DPYD: variants seen among roughly 807,000 people sequenced by gnomAD.
DPYD encodes the protein dihydropyrimidine dehydrogenase, also known as dihydropyrimidine dehydrogenase [NADP(+)].
In DPYD, 109 loss-of-function variants were observed where a neutral mutation model predicts 116.2. The ratio of observed to expected loss-of-function variants is 0.94; its 90% CI spans 0.80 to 1.10. The LOEUF (loss-of-function observed/expected upper bound fraction) is 1.10. DPYD is among the 50% of genes least tolerant of loss of function. DPYD has a pLI of 0.00. For synonymous variants in DPYD, 440 were observed against 432.0 expected, an observed-to-expected ratio of 1.02 and a Z score of -0.23; for missense variants, 1,302 against 1,254.5, an observed-to-expected ratio of 1.04 and a Z score of -0.57.
chr1:97,565,517 C>A (rs763718028), intron 11 of DPYD, among the ~76,000 whole-genome samples: 39 of 152,174 alleles, frequency 2.6e-4, no homozygotes, highest in Non-Finnish European at 4.0e-4. Flanking sequence ...TAACCACACA[C>A]CATCTGGTCC....
intron 8 of DPYD, among the ~76,000 whole-genome samples, chr1:97,596,486 C>CA (rs1654892878): frequency 6.6e-6 from 1 of 152,142 alleles, no homozygotes; most frequent in African/African-American, 2.4e-5. Flanking sequence ...GCAGTCACCC[C>CA]ATCCAAGGCA....
intron 2 of DPYD, among the ~76,000 whole-genome samples, chr1:97,849,741 G>T (rs1375227686): frequency 6.6e-6 from 1 of 152,096 alleles, no homozygotes; most frequent in Non-Finnish European, 1.5e-5. Context: ...TGCCACACTT[G>T]CCATTCATCA....
At chr1:97,258,810 C>G (rs1452317058) in intron 18 of DPYD, among the ~76,000 whole-genome samples, 3 of 151,968 alleles carry the variant, frequency 2.0e-5, no homozygotes, top group Admixed American at 6.6e-5. Context: ...ACCAGAAGGA[C>G]AAGAAAGTGA....
chr1:97,156,625 TG>T (rs1467155112), intron 20 of DPYD, among the ~76,000 whole-genome samples: 3 of 152,134 alleles, frequency 2.0e-5, no homozygotes, highest in Non-Finnish European at 4.4e-5. Flanking sequence ...CAACAGGTGC[TG>T]GAGAGGATGT....
At chr1:97,118,649 A>T (rs567384401) in intron 20 of DPYD, among the ~76,000 whole-genome samples, 6 of 152,324 alleles carry the variant, frequency 3.9e-5, no homozygotes, top group African/African-American at 1.4e-4. Flanking sequence ...TTCAGGTTCT[A>T]GGGCTTTGTT....
At chr1:97,503,304 A>T (rs545476824) in intron 13 of DPYD, among the ~76,000 whole-genome samples, 65 of 152,030 alleles carry the variant, frequency 4.3e-4, no homozygotes, top group South Asian at 4.1e-4. Context: ...GTGGCTGCCT[A>T]CCTTATGCTG....
At chr1:97,285,147 G>A (rs1665582568) in intron 18 of DPYD, among the ~76,000 whole-genome samples, 1 of 152,158 alleles carries the variant, frequency 6.6e-6, no homozygotes, top group Non-Finnish European at 1.5e-5. Context: ...ACTCTGTATA[G>A]AAGGGATATA....
At chr1:97,816,487 C>A (rs966495453) in intron 3 of DPYD, among the ~76,000 whole-genome samples, 3 of 151,920 alleles carry the variant, frequency 2.0e-5, no homozygotes, top group Non-Finnish European at 2.9e-5. Context: ...TAGCAGATAT[C>A]ATAGATATGC....
chr1:97,142,965 A>C (rs1290387709), intron 20 of DPYD, among the ~76,000 whole-genome samples: 1 of 152,066 alleles, frequency 6.6e-6, no homozygotes, highest in Non-Finnish European at 1.5e-5. Flanking sequence ...AAAACTGAGG[A>C]AATATAGAAA....
At position 97,691,706 on chromosome 1, in the gene DPYD, T is replaced by C; in HGVS notation, c.762+11A>G. On this transcript the variant is annotated intron_variant, in intron 7 of 22. Coordinates refer to ENST00000370192, the MANE Select transcript of DPYD (RefSeq NM_000110.4). ...TTGAGCAGTACACAGATAGGTGTTT[T>C]TTTCATTTACCTTTACACCAAGGTC... The C allele has an allele frequency of 6.2e-7, 1 of 1,612,564 alleles. No individual in the cohort carries two copies. The highest frequency in any genetic ancestry group is 8.5e-7 in the Non-Finnish European group (1 of 1,178,750).
At chr1:97,140,006 C>G (rs1654096069) in intron 20 of DPYD, among the ~76,000 whole-genome samples, 1 of 151,456 alleles carries the variant, frequency 6.6e-6, no homozygotes, top group African/African-American at 2.4e-5. Flanking sequence ...GGTACTTGCC[C>G]AAAGAGGCAA....
chr1:97,250,717 T>G (rs1231190097), intron 18 of DPYD, among the ~76,000 whole-genome samples: 1 of 152,184 alleles, frequency 6.6e-6, no homozygotes, highest in South Asian at 2.1e-4. Context: ...TTAGTTTATA[T>G]GAAGTTTTAG....
At chr1:97,290,118 G>A (rs989237544) in intron 18 of DPYD, among the ~76,000 whole-genome samples, 7 of 151,968 alleles carry the variant, frequency 4.6e-5, no homozygotes, top group African/African-American at 1.2e-4. Context: ...AATACCTAGG[G>A]ACCCAACTTA....
intron 20 of DPYD, among the ~76,000 whole-genome samples, chr1:97,173,145 T>C (rs1053906024): frequency 2.0e-5 from 3 of 151,756 alleles, no homozygotes; most frequent in African/African-American, 4.8e-5. Context: ...AATGAGTATA[T>C]ATACACATAT....
chr1:97,759,965 G>A (rs984350902), intron 3 of DPYD, among the ~76,000 whole-genome samples: 4 of 152,076 alleles, frequency 2.6e-5, no homozygotes, highest in Non-Finnish European at 4.4e-5. Context: ...CTAAAAACAC[G>A]CAGAAAGGAA....
intron 20 of DPYD, among the ~76,000 whole-genome samples, chr1:97,187,117 G>C (rs1265424533): frequency 1.3e-5 from 2 of 152,074 alleles, no homozygotes; most frequent in African/African-American, 4.8e-5. Context: ...TGAGGTGAAT[G>C]GTAGTTTTAT....
Position 97,507,224 on chromosome 1 carries a change from G to C in DPYD, c.1740+8502C>G, listed in dbSNP as rs180858858. ...AATACGTCTAAGTTATAAGAACCTA[G>C]CTAGGTGATAAACTATTAGTATACA... is the stretch of plus-strand genomic sequence containing the variant. On this transcript the variant is annotated intron_variant, in intron 13 of 22. Coordinates refer to ENST00000370192, the MANE Select transcript of DPYD (RefSeq NM_000110.4). Among the ~76,000 whole-genome samples, 664 of 152,066 alleles carry C rather than the reference G, an allele frequency of 4.4e-3. 2 individuals are homozygous for C. Among genetic ancestry groups the C allele is most frequent in the Non-Finnish European group, 7.2e-3 (491 of 67,920 alleles).
intron 18 of DPYD, among the ~76,000 whole-genome samples, chr1:97,273,414 C>T (rs973641262): frequency 3.3e-5 from 5 of 152,240 alleles, no homozygotes; most frequent in Middle Eastern, 3.4e-3. Context: ...TATACTCCAA[C>T]TAAACTACTC....
chr1:97,757,806 A>G (rs1320111855), intron 3 of DPYD, among the ~76,000 whole-genome samples: 1 of 152,220 alleles, frequency 6.6e-6, no homozygotes, highest in East Asian at 1.9e-4. Context: ...CAAGACAAGT[A>G]TTCACAATAT....
Sources: gnomAD v4.1 joint callset for allele counts (sites outside exome capture counted in the v4.1 genomes callset) on GRCh38, gnomAD v4.1.1 for gene constraint, MANE v1.5 for transcripts, NCBI Gene and HGNC (gene_info 2026-07-23, HGNC 2026-07-21) for gene names.